SIGLEC15: variants seen among roughly 807,000 people sequenced by gnomAD.
SIGLEC15 encodes sialic acid binding Ig like lectin 15.
A neutral mutation model predicts 26.2 loss-of-function variants in SIGLEC15; 31 were observed. The observed-to-expected ratio is 1.18, with a 90% CI of 0.89 to 1.60. SIGLEC15 has a LOEUF of 1.60. Among genes scored for constraint, SIGLEC15 ranks in the 40% most tolerant of loss-of-function variants. The pLI, the probability that SIGLEC15 is intolerant of heterozygous loss-of-function variation, is 0.00. For synonymous variants in SIGLEC15, 207 were observed against 221.9 expected (o/e 0.93, Z 0.60); for missense variants, 501 against 488.4 (o/e 1.03, Z -0.24).
At chr18:45,837,121 G>A (rs1568080621) in intron 2 of SIGLEC15, 33 bp downstream of exon 2, 5 of 1,611,064 alleles carry the variant, frequency 3.1e-6, no homozygotes, top group Non-Finnish European at 4.2e-6. Flanking sequence ...CCATCTCGGG[G>A]ATCTTGGGAG....
intron 5 of SIGLEC15, among the ~76,000 whole-genome samples, chr18:45,841,331 G>A (rs1038889190): frequency 1.4e-4 from 21 of 152,244 alleles, no homozygotes; most frequent in African/African-American, 4.1e-4. Flanking sequence ...GGGGCAGCCC[G>A]GGAGAGGAAA....
chr18:45,828,991 C>T (rs1418814207), intron 1 of SIGLEC15: 1 of 678,998 alleles, frequency 1.5e-6, no homozygotes, highest in Non-Finnish European at 1.8e-6. Flanking sequence ...GAGCAGTTTG[C>T]TTGAACTGAG....
At chr18:45,838,640 C>A in intron 3 of SIGLEC15, 78 bp from the exon 4 acceptor site, 1 of 1,446,240 alleles carries the variant, frequency 6.9e-7, no homozygotes, top group South Asian at 1.4e-5. Flanking sequence ...TGACCAGCCC[C>A]CACCCCTCCG....
At chr18:45,842,079 G>A (rs1220377204) in intron 5 of SIGLEC15, 27 bp from the exon 6 acceptor site, 1 of 1,610,938 alleles carries the variant, frequency 6.2e-7, no homozygotes, top group Non-Finnish European at 8.5e-7. Flanking sequence ...CTGTTTGGAT[G>A]ATCATTCAAC....
At chr18:45,829,042 CAGGGATCA>C in intron 1 of SIGLEC15, 1 of 964,952 alleles carries the variant, frequency 1.0e-6, no homozygotes, top group South Asian at 4.8e-5. Context: ...GTGAAGGGAG[CAGGGATCA>C]CTATGGAGGC....
chr18:45,838,395 C>G (rs1599396357), intron 3 of SIGLEC15: 4 of 458,180 alleles, frequency 8.7e-6, no homozygotes, highest in Admixed American at 4.1e-5. Context: ...TAGCCCCCAC[C>G]CTGCTCTGCG....
chr18:45,829,507 C>G (rs2048214560), intron 1 of SIGLEC15, among the ~76,000 whole-genome samples: 1 of 152,216 alleles, frequency 6.6e-6, no homozygotes, highest in African/African-American at 2.4e-5. Flanking sequence ...CAATGAGCCT[C>G]AGCTCCACCC....
chr18:45,825,893 C>A, intron 1 of SIGLEC15, 113 bp downstream of exon 1: 1 of 1,285,384 alleles, frequency 7.8e-7, no homozygotes, highest in Non-Finnish European at 1.1e-6. Flanking sequence ...GCCTCCAGGC[C>A]TGTGGAGGAG....
intron 4 of SIGLEC15, among the ~76,000 whole-genome samples, chr18:45,839,306 G>A (rs1240733666): frequency 2.0e-5 from 3 of 152,230 alleles, no homozygotes; most frequent in Admixed American, 6.5e-5. Context: ...GAGGCTCAGA[G>A]AGGTTAAGTA....
At chr18:45,839,915 C>G (rs1270767339) in intron 4 of SIGLEC15, among the ~76,000 whole-genome samples, 1 of 152,162 alleles carries the variant, frequency 6.6e-6, no homozygotes, top group Non-Finnish European at 1.5e-5. Flanking sequence ...GTGGCCCTGG[C>G]TGCTGCTGTG....
chr18:45,825,719 T>C lies in SIGLEC15; in HGVS notation c.-10T>C. On this transcript the variant is annotated 5_prime_UTR_variant, in exon 1 of 6. An upstream start codon of the reference 5' UTR is lost. Transcript: ENST00000389474. ...GCGGGTCTGGCCTGGGGTGTTCAGA[T>C]GCTCACAGCATGGAAAAGTCCATCT... The C allele has an allele frequency of 6.2e-7, 1 of 1,614,190 alleles. No homozygotes were observed. Among genetic ancestry groups the C allele is most frequent in the Middle Eastern group, 1.7e-4 (1 of 6,060 alleles).
rs1463662144 is a variant in SIGLEC15 at position 45,825,761 on chromosome 18, G to T, written c.33G>T (p.Leu11Phe). The T allele has an allele frequency of 6.2e-7, 1 of 1,614,236 alleles. No individual in the cohort carries two copies. Among genetic ancestry groups the T allele is most frequent in the East Asian group, 2.2e-5 (1 of 44,880 alleles). MEKSIWLLAC[L>F]AWVLPTGSFV... The stretch of plus-strand genomic sequence containing the variant: ...AGTCCATCTGGCTGCTGGCCTGCTT[G>T]GCGTGGGTTCTCCCGACAGGTGAGT... The change falls in exon 1 of 6, where the codon TTG becomes TTT. Residue 11 changes from leucine (L) to phenylalanine (F), a missense_variant. Leu to Phe is a conservative substitution (Grantham distance 22, BLOSUM62 0). Coordinates refer to ENST00000389474, the MANE Select transcript of SIGLEC15 (RefSeq NM_213602.3).
At chr18:45,839,394 C>A (rs112149605) in intron 4 of SIGLEC15, among the ~76,000 whole-genome samples, 3 of 152,208 alleles carry the variant, frequency 2.0e-5, no homozygotes, top group African/African-American at 7.2e-5. Flanking sequence ...TGCTACCACC[C>A]GGTAAACGAT....
chr18:45,828,446 C>G (rs542117798), intron 1 of SIGLEC15, among the ~76,000 whole-genome samples: 1 of 152,228 alleles, frequency 6.6e-6, no homozygotes, highest in East Asian at 1.9e-4. Flanking sequence ...TGCCAGGGAA[C>G]GTGGGGCAGG....
chr18:45,838,337 A>G (rs1318007531), intron 3 of SIGLEC15, among the ~76,000 whole-genome samples: 1 of 152,064 alleles, frequency 6.6e-6, no homozygotes, highest in African/African-American at 2.4e-5. Flanking sequence ...CTGATATACA[A>G]AGATGCCTGA....
chr18:45,826,230 A>T (rs1269028353), intron 1 of SIGLEC15, among the ~76,000 whole-genome samples: 2 of 151,480 alleles, frequency 1.3e-5, no homozygotes, highest in Non-Finnish European at 2.9e-5. Flanking sequence ...GGGTGATTTC[A>T]TGTGGGGGAT....
At chr18:45,840,384 G>A in intron 5 of SIGLEC15, 143 bp downstream of exon 5, 1 of 904,980 alleles carries the variant, frequency 1.1e-6, no homozygotes, top group Non-Finnish European at 1.6e-6. Context: ...CTTCCTTGCA[G>A]CCCACCAAGG....
Position 45,839,078 on chromosome 18 carries a change from C to G in SIGLEC15, c.857C>G (p.Ala286Gly), listed in dbSNP as rs956647789. The stretch of plus-strand genomic sequence containing the variant: ...CTGCTCGGGGTCCTGGCCGCCCGCG[C>G]TGCCCGCCGCCGCCCAGGTGGGTGC... ...LLLLGVLAAR[A>G]ARRRPEHLDT... The change falls in exon 4 of 6, where the codon GCT (alanine) becomes GGT (glycine). Residue 286 changes from alanine to glycine, a missense_variant. Ala to Gly is a moderately conservative substitution (Grantham distance 60, BLOSUM62 0). Transcript: ENST00000389474. 9 of 1,433,240 alleles carry G rather than the reference C, an allele frequency of 6.3e-6. No homozygotes were observed. The highest frequency in any genetic ancestry group is 8.1e-6 in the Non-Finnish European group (9 of 1,104,740). The allele number at this position is 1,433,240 out of a possible 1,614,324, so 88.8% of individuals were successfully genotyped here. A position where few individuals can be genotyped will look rare whatever the true frequency, so the allele number is the denominator to read the frequency against.
Position 45,843,866 on chromosome 18 carries a change from G to A in SIGLEC15, c.*1679G>A, listed in dbSNP as rs1278593734. The A allele has an allele frequency of 6.6e-6, 1 of 152,054 alleles. No individual in the cohort carries two copies. The highest frequency in any genetic ancestry group is 1.5e-5 in the Non-Finnish European group (1 of 68,034). The allele number at this position is 152,054 out of a possible 1,614,324, so 9.4% of individuals were successfully genotyped here. A position where few individuals can be genotyped will look rare whatever the true frequency, so the allele number is the denominator to read the frequency against. On this transcript the variant is annotated 3_prime_UTR_variant, in exon 6 of 6. Coordinates refer to ENST00000389474, the MANE Select transcript of SIGLEC15 (RefSeq NM_213602.3). ...TGTCCTCCAGCCTGGGCAACAGAGA[G>A]ACTGTCTCCAAAGAAAAAAAAAGAA...
Sources: gnomAD v4.1 joint callset for allele counts (sites outside exome capture counted in the v4.1 genomes callset) on GRCh38, gnomAD v4.1.1 for gene constraint, MANE v1.5 for transcripts, NCBI Gene and HGNC (gene_info 2026-07-23, HGNC 2026-07-21) for gene names.